Variants in CFTR observed in about 807,000 individuals in gnomAD.
CFTR encodes cystic fibrosis transmembrane conductance regulator.
Under a neutral mutation model 171.6 loss-of-function variants are expected in CFTR, and 181 were observed. The ratio of observed to expected loss-of-function variants is 1.05; its 90% CI spans 0.93 to 1.19. The LOEUF is 1.19. CFTR is among the 50% of genes most tolerant of loss of function. The pLI is 0.00. For synonymous variants in CFTR, 583 were observed against 608.0 expected (o/e 0.96, Z 0.60); for missense variants, 1,968 against 1,734.7 (o/e 1.13, Z -2.39).
chr7:117,591,620 C>T (rs1792024587), intron 13 of CFTR, among the ~76,000 whole-genome samples: 1 of 151,978 alleles, frequency 6.6e-6, no homozygotes, highest in Non-Finnish European at 1.5e-5. Flanking sequence ...TCCTCATTTT[C>T]TAGATAAATA....
chr7:117,665,661 A>G (rs2116223270), intron 26 of CFTR, 97 bp downstream of exon 26: 1 of 817,782 alleles, frequency 1.2e-6, no homozygotes, highest in Middle Eastern at 2.2e-4. Context: ...ACAATGTACA[A>G]GTTCTTTTCA....
At chr7:117,642,636 AT>A (rs373960014) in intron 23 of CFTR, 43 bp downstream of exon 23, 17 of 1,588,510 alleles carry the variant, frequency 1.1e-5, no homozygotes, top group Non-Finnish European at 1.5e-5. Flanking sequence ...ACTAAATTAT[AT>A]TTTTTACTGC....
At chr7:117,664,930 C>T (rs1793348847) in intron 25 of CFTR, 70 bp downstream of exon 25, 6 of 1,505,174 alleles carry the variant, frequency 4.0e-6, no homozygotes, top group African/African-American at 1.4e-5. Context: ...TTCATGGTGA[C>T]ACATATTTCT....
chr7:117,484,815 T>A (rs1798046998), intron 1 of CFTR, among the ~76,000 whole-genome samples: 1 of 152,010 alleles, frequency 6.6e-6, no homozygotes, highest in Non-Finnish European at 1.5e-5. Context: ...ATTCCTATAG[T>A]TTTTTATATG....
chr7:117,667,090 G>A lies in CFTR; in HGVS notation c.4425G>A (p.Val1475=), dbSNP rs776922524. The A allele has an allele frequency of 6.2e-7, 1 of 1,613,942 alleles. No homozygotes were observed. Among genetic ancestry groups the A allele is most frequent in the Non-Finnish European group, 8.5e-7 (1 of 1,179,920 alleles). ...AALKEETEEE[V]QDTRL is the part of the protein sequence containing the mutation. ...TGAAAGAGGAGACAGAAGAAGAGGT[G>A]CAAGATACAAGGCTTTAGAGAGCAG... The change falls in exon 27 of 27, where the codon GTG becomes GTA. Residue 1475 remains valine (V), a synonymous_variant. Transcript: ENST00000003084.
intron 5 of CFTR, 33 bp downstream of exon 5, chr7:117,534,398 T>C: frequency 8.7e-7 from 1 of 1,154,570 alleles, no homozygotes; most frequent in Non-Finnish European, 1.3e-6. Flanking sequence ...TTTTAGGCAC[T>C]ATTGTTATAA....
At chr7:117,647,679 C>CA (rs71788584) in intron 23 of CFTR, among the ~76,000 whole-genome samples, 63 of 142,874 alleles carry the variant, frequency 4.4e-4, no homozygotes, top group Non-Finnish European at 6.0e-4. Context: ...CAGCTAATAC[C>CA]AAAAAAAAAA....
At chr7:117,662,289 T>G (rs1584847701) in intron 24 of CFTR, among the ~76,000 whole-genome samples, 1 of 152,296 alleles carries the variant, frequency 6.6e-6, no homozygotes, top group East Asian at 1.9e-4. Flanking sequence ...AATGAATTGT[T>G]GAGGTTGACA....
In CFTR at chr7:117,592,381, A is replaced by T; in HGVS notation, c.2214A>T (p.Leu738Phe). 1 of 1,614,188 alleles carries T rather than the reference A, an allele frequency of 6.2e-7. No individual in the cohort carries two copies. The highest frequency in any genetic ancestry group is 8.5e-7 in the Non-Finnish European group (1 of 1,180,008). ...SDEPLERRLS[L>F]VPDSEQGEAI... Reference sequence around the variant, plus strand: ...AGCCTTTAGAGAGAAGGCTGTCCTTAGTACCAGATTCTGAGCAGGGAGAGG... The same window carrying T: ...AGCCTTTAGAGAGAAGGCTGTCCTTTGTACCAGATTCTGAGCAGGGAGAGG... The change falls in exon 14 of 27, where the codon TTA becomes TTT. Residue 738 changes from leucine (L) to phenylalanine (F), a missense_variant. Physicochemically the swap from Leu to Phe is conservative, Grantham distance 22 (BLOSUM62 0). Coordinates refer to ENST00000003084, the MANE Select transcript of CFTR (RefSeq NM_000492.4).
chr7:117,487,949 GT>G (rs1268496342), intron 1 of CFTR: 1 of 152,136 alleles, frequency 6.6e-6, no homozygotes, highest in African/African-American at 2.4e-5. Flanking sequence ...AGCAACCACA[GT>G]TCTAGAGGAA....
chr7:117,507,356 G>A (rs566471813), intron 2 of CFTR, among the ~76,000 whole-genome samples: 1 of 152,304 alleles, frequency 6.6e-6, no homozygotes, highest in African/African-American at 2.4e-5. Flanking sequence ...AGCTCCTGAA[G>A]TATGGTTTCC....
intron 1 of CFTR, among the ~76,000 whole-genome samples, chr7:117,482,588 C>T (rs1798015187): frequency 6.6e-6 from 1 of 151,994 alleles, no homozygotes; most frequent in African/African-American, 2.4e-5. Context: ...ATGAAAATAA[C>T]ATTTATGAAA....
At chr7:117,483,924 G>A (rs1490853652) in intron 1 of CFTR, among the ~76,000 whole-genome samples, 1 of 152,082 alleles carries the variant, frequency 6.6e-6, no homozygotes, top group Non-Finnish European at 1.5e-5. Flanking sequence ...TTGAGCAATG[G>A]AAGTATAATT....
intron 24 of CFTR, 93 bp downstream of exon 24, chr7:117,653,024 C>T (rs1793112067): frequency 3.6e-6 from 3 of 836,416 alleles, no homozygotes; most frequent in Non-Finnish European, 6.3e-6. Context: ...ACTTTGTGTG[C>T]ATGTATGTGT....
At chr7:117,512,329 T>C (rs1270708729) in intron 3 of CFTR, among the ~76,000 whole-genome samples, 2 of 152,122 alleles carry the variant, frequency 1.3e-5, no homozygotes, top group Admixed American at 1.3e-4. Context: ...GTCTTTAACA[T>C]TTAAGACTCC....
chr7:117,646,930 A>C (rs1034156663), intron 23 of CFTR, among the ~76,000 whole-genome samples: 5 of 151,994 alleles, frequency 3.3e-5, no homozygotes, highest in African/African-American at 1.2e-4. Context: ...TTGTAGTATA[A>C]AAAGGTTGTA....
intron 24 of CFTR, among the ~76,000 whole-genome samples, chr7:117,660,358 G>A (rs1046202589): frequency 5.9e-5 from 9 of 152,090 alleles, no homozygotes; most frequent in African/African-American, 1.4e-4. Context: ...GGGGCAGGAC[G>A]CAGTGGCTCA....
rs557713052 is a variant in CFTR, at chr7:117,495,182, C to T, written c.54-9071C>T. Among the ~76,000 whole-genome samples, 49 of 152,230 alleles carry T rather than the reference C, an allele frequency of 3.2e-4. 1 individual carries two copies. In the South Asian group the frequency reaches 9.7e-3, roughly 30 times the overall value. ...CCTAAATGTGAACTTATACAGGATG[C>T]AGCAATTTATAGGGTAGTTAATCAT... On this transcript the variant is annotated intron_variant, in intron 1 of 26. Transcript: ENST00000003084.
chr7:117,606,574 C>A (rs1792302900), intron 17 of CFTR, 100 bp from the exon 18 acceptor site: 5 of 735,858 alleles, frequency 6.8e-6, no homozygotes, highest in Admixed American at 1.9e-5. Flanking sequence ...TATTTGGGTT[C>A]TGAATGCGTC....
Sources: allele counts gnomAD v4.1 joint callset (sites outside exome capture counted in the v4.1 genomes callset), GRCh38; gene constraint gnomAD v4.1.1; transcripts MANE v1.5; gene names NCBI Gene and HGNC (gene_info 2026-07-23, HGNC 2026-07-21).